CFAP221: variants seen among roughly 807,000 people sequenced by gnomAD.
CFAP221 encodes the protein cilia and flagella associated protein 221.
In CFAP221, 97 loss-of-function variants were observed where a neutral mutation model predicts 113.1. The ratio of observed to expected loss-of-function variants is 0.86; its 90% confidence interval spans 0.73 to 1.02. The LOEUF (loss-of-function observed/expected upper bound fraction) is 1.02, where lower values mean the gene tolerates loss of function less well. CFAP221 is among the 50% of genes least tolerant of loss of function. The probability of loss-of-function intolerance (pLI) is 0.00; values close to 1 mark genes in which losing one functional copy is unlikely to be tolerated. For synonymous variants in CFAP221, 331 were observed against 354.4 expected (o/e 0.93, Z 0.74); for missense variants, 1,025 against 1,013.4 (o/e 1.01, Z -0.16).
intron 22 of CFAP221, among the ~76,000 whole-genome samples, chr2:119,651,550 G>A (rs887547685): frequency 6.6e-6 from 1 of 150,844 alleles, no homozygotes; most frequent in South Asian, 2.1e-4. Context: ...TAAAGCCATT[G>A]TGGGCTTTCT....
At chr2:119,638,498 GAATTGCGAC>G in intron 20 of CFAP221, 81 bp downstream of exon 20, 2 of 1,537,684 alleles carry the variant, frequency 1.3e-6, no homozygotes, top group South Asian at 2.3e-5. Flanking sequence ...GTCACAGCTG[GAATTGCGAC>G]AAAGGTTTGC....
chr2:119,626,573 C>T (rs1686320855), intron 15 of CFAP221, among the ~76,000 whole-genome samples: 1 of 152,158 alleles, frequency 6.6e-6, no homozygotes, highest in Non-Finnish European at 1.5e-5. Flanking sequence ...TTGGTATTTT[C>T]TCAACCTAGC....
chr2:119,558,632 A>G lies in CFAP221; in HGVS notation c.241-1057A>G, dbSNP rs139338491. Among the ~76,000 whole-genome samples, 570 of 152,260 alleles carry G rather than the reference A, an allele frequency of 3.7e-3. 8 individuals are homozygous for G. The highest frequency in any genetic ancestry group is 0.013 in the African/African-American group (547 of 41,568). On this transcript the variant is annotated intron_variant, in intron 3 of 23. Coordinates refer to ENST00000413369, the MANE Select transcript of CFAP221 (RefSeq NM_001271049.2). ...CAGGAGTTCGAGACCAGCCTGGACAACATAATGAGACCCCATCTCTACAAA... is the reference window on the plus strand; with the variant it reads ...CAGGAGTTCGAGACCAGCCTGGACAGCATAATGAGACCCCATCTCTACAAA...
downstream of CFAP221, among the ~76,000 whole-genome samples, chr2:119,658,087 A>G (rs868783202): frequency 6.6e-6 from 1 of 152,180 alleles, no homozygotes; most frequent in African/African-American, 2.4e-5. Context: ...GTATCTTTAT[A>G]TGAATTCCCA....
At chr2:119,588,070 G>T (rs1054579994) in intron 7 of CFAP221, among the ~76,000 whole-genome samples, 1 of 152,146 alleles carries the variant, frequency 6.6e-6, no homozygotes, top group Non-Finnish European at 1.5e-5. Flanking sequence ...TTTCAGCTGT[G>T]TGGGCCTAAA....
downstream of CFAP221, among the ~76,000 whole-genome samples, chr2:119,656,851 G>A (rs951367593): frequency 2.6e-5 from 4 of 152,062 alleles, no homozygotes; most frequent in Non-Finnish European, 5.9e-5. Context: ...CATCCCTGGG[G>A]CATCACTAGA....
At chr2:119,587,998 C>T (rs1298415789) in intron 7 of CFAP221, among the ~76,000 whole-genome samples, 1 of 152,052 alleles carries the variant, frequency 6.6e-6, no homozygotes, top group Non-Finnish European at 1.5e-5. Flanking sequence ...TATAGGGTAA[C>T]CACTGTTTAT....
intron 20 of CFAP221, among the ~76,000 whole-genome samples, 188 bp from the exon 21 acceptor site, chr2:119,639,593 G>A (rs1025533760): frequency 6.6e-6 from 1 of 152,238 alleles, no homozygotes; most frequent in Non-Finnish European, 1.5e-5. Context: ...CTCTAATTCT[G>A]TGTTGCACTG....
At chr2:119,587,070 G>A (rs1171894666) in intron 6 of CFAP221, 49 bp from the exon 7 acceptor site, 3 of 1,362,932 alleles carry the variant, frequency 2.2e-6, no homozygotes, top group Admixed American at 4.8e-5. Context: ...AAAAGAACCA[G>A]TTATAAAGAA....
At chr2:119,611,931 C>T (rs993024079) in intron 13 of CFAP221, among the ~76,000 whole-genome samples, 189 bp downstream of exon 13, 7 of 152,204 alleles carry the variant, frequency 4.6e-5, no homozygotes, top group African/African-American at 7.2e-5. Flanking sequence ...TCATGTTTCT[C>T]TTGAAATGAA....
chr2:119,630,976 C>G (rs1686736723), intron 19 of CFAP221, 75 bp downstream of exon 19: 2 of 1,525,446 alleles, frequency 1.3e-6, no homozygotes, highest in Non-Finnish European at 1.8e-6. Context: ...AAACAGAGCA[C>G]TCATTGGGAA....
chr2:119,652,167 T>C, intron 23 of CFAP221, 98 bp downstream of exon 23: 1 of 862,174 alleles, frequency 1.2e-6, no homozygotes, highest in East Asian at 2.9e-5. Flanking sequence ...TCTAAATAGC[T>C]CAGTCTTTGA....
rs773373237 is a variant in CFAP221, at chr2:119,629,947, A to C, written c.1723A>C (p.Asn575His). Reference protein sequence around the residue: ...VQIKQSYSFFNLQVPQLYKIK... With the variant: ...VQIKQSYSFFHLQVPQLYKIK... ...AATCAAGCAGAGTTATTCCTTCTTC[A>C]ATCTGCAGGTCAGACCTGTCACATA... Residue 575 changes from asparagine to histidine, a missense_variant, in exon 17 of 24, where the codon AAT becomes CAT. Coordinates refer to ENST00000413369, the MANE Select transcript of CFAP221 (RefSeq NM_001271049.2). 1.9e-6 allele frequency: 3 copies of C among 1,610,346 alleles called. No individual in the cohort carries two copies. In the Admixed American group the frequency reaches 5.0e-5, roughly 27 times the overall value.
At position 119,587,227 on chromosome 2, in the gene CFAP221, G is replaced by A; in HGVS notation, c.631+5G>A. On this transcript the variant is annotated splice_donor_5th_base_variant and intron_variant, in intron 7 of 23. Coordinates refer to ENST00000413369, the MANE Select transcript of CFAP221 (RefSeq NM_001271049.2). ...TTGCTATTGAGCCAACATCAGGTAAGGAGTGTCAAGATTTCAAGTTCTAAA... is the reference window on the plus strand; with the variant it reads ...TTGCTATTGAGCCAACATCAGGTAAAGAGTGTCAAGATTTCAAGTTCTAAA... 6.7e-7 allele frequency: 1 copy of A among 1,486,054 alleles called. No individual in the cohort carries two copies. Among genetic ancestry groups the A allele is most frequent in the Admixed American group, 2.3e-5 (1 of 42,990 alleles). The allele number at this position is 1,486,054 out of a possible 1,614,324, so 92.1% of individuals were successfully genotyped here.
Position 119,646,956 on chromosome 2 carries a change from A to G in CFAP221, c.2226-2A>G. 1 of 1,612,710 alleles carries G rather than the reference A, an allele frequency of 6.2e-7. No individual in the cohort carries two copies. The highest frequency in any genetic ancestry group is 8.5e-7 in the Non-Finnish European group (1 of 1,179,062). On this transcript the variant is annotated splice_acceptor_variant, in intron 21 of 23. Transcript: ENST00000413369. LOFTEE classifies it high-confidence loss of function. ...TTGACTGCTTGTGTGGTTTTTCCAC[A>G]GCTGCGATTCCTTCAATTCATTTAT...
At chr2:119,562,211 A>C in intron 6 of CFAP221, 97 bp downstream of exon 6, 2 of 693,942 alleles carry the variant, frequency 2.9e-6, no homozygotes, top group Non-Finnish European at 4.4e-6. Context: ...ATGGAAGTTC[A>C]TCCTTCCACC....
chr2:119,611,437 A>AG (rs1477020043), intron 12 of CFAP221, among the ~76,000 whole-genome samples: 2 of 151,386 alleles, frequency 1.3e-5, no homozygotes, highest in African/African-American at 4.8e-5. Flanking sequence ...AAAAAAAAAA[A>AG]AAAGGAGGTA....
At chr2:119,629,825 A>C in intron 16 of CFAP221, 50 bp from the exon 17 acceptor site, 1 of 1,405,762 alleles carries the variant, frequency 7.1e-7, no homozygotes, top group Non-Finnish European at 1.0e-6. Context: ...AAGCATAGCC[A>C]CTCTTGCTCA....
chr2:119,619,607 G>T (rs985071345), intron 14 of CFAP221, among the ~76,000 whole-genome samples: 1 of 152,156 alleles, frequency 6.6e-6, no homozygotes, highest in Admixed American at 6.5e-5. Flanking sequence ...AAGACCAAAG[G>T]TAGATAAATC....
Sources: allele counts gnomAD v4.1 joint callset (sites outside exome capture counted in the v4.1 genomes callset), GRCh38; gene constraint gnomAD v4.1.1; transcripts MANE v1.5; gene names NCBI Gene and HGNC (gene_info 2026-07-23, HGNC 2026-07-21).